The following CDH13 variants were observed in gnomAD, a reference collection of about 807,000 sequenced individuals.
CDH13 encodes the protein cadherin-13.
In CDH13, 24 loss-of-function variants were observed where a neutral mutation model predicts 63.8. The ratio of observed to expected loss-of-function variants is 0.38; its 90% CI spans 0.27 to 0.53. CDH13 has a LOEUF of 0.53. Among genes scored for constraint, CDH13 ranks in the 20% least tolerant of loss-of-function variants. The pLI, the probability that CDH13 is intolerant of heterozygous loss-of-function variation, is 0.85. For synonymous variants in CDH13, 503 were observed against 355.3 expected (o/e 1.42, Z -4.67); for missense variants, 1,049 against 903.1 (o/e 1.16, Z -2.07).
At chr16:83,329,068 C>G (rs2090428333) in intron 5 of CDH13, among the ~76,000 whole-genome samples, 1 of 152,098 alleles carries the variant, frequency 6.6e-6, no homozygotes, top group Admixed American at 6.6e-5. Flanking sequence ...CTTGAGCTTC[C>G]CCGAAGCACA....
intron 6 of CDH13, among the ~76,000 whole-genome samples, chr16:83,451,138 G>A (rs1222142909): frequency 6.6e-6 from 1 of 152,158 alleles, no homozygotes; most frequent in Non-Finnish European, 1.5e-5. Context: ...AGAATCATTT[G>A]TCTTTGTATT....
chr16:83,756,547 AT>A (rs1449011283), intron 11 of CDH13, among the ~76,000 whole-genome samples: 1 of 152,168 alleles, frequency 6.6e-6, no homozygotes. Context: ...ACATTATGAA[AT>A]TTTTTGGCGC....
chr16:83,340,110 C>T (rs370900575), intron 5 of CDH13, among the ~76,000 whole-genome samples: 1 of 152,174 alleles, frequency 6.6e-6, no homozygotes, highest in South Asian at 2.1e-4. Flanking sequence ...CAATTAATAA[C>T]CAATTTCCTT....
chr16:83,112,395 A>G (rs755910784), intron 3 of CDH13, among the ~76,000 whole-genome samples: 2 of 152,264 alleles, frequency 1.3e-5, no homozygotes, highest in Admixed American at 6.5e-5. Context: ...AAAGACAGAG[A>G]GAAAAAGAGA....
chr16:83,378,216 T>C (rs1471894048), intron 6 of CDH13, among the ~76,000 whole-genome samples: 2 of 152,264 alleles, frequency 1.3e-5, no homozygotes, highest in East Asian at 1.9e-4. Flanking sequence ...ACTATTGATA[T>C]AGATGCCACA....
At chr16:83,625,833 T>C (rs549872892) in intron 8 of CDH13, among the ~76,000 whole-genome samples, 2 of 152,228 alleles carry the variant, frequency 1.3e-5, no homozygotes, top group Admixed American at 1.3e-4. Flanking sequence ...AAAAGCAAGG[T>C]CGGCCTACCC....
At chr16:83,340,704 T>G (rs2090702755) in intron 5 of CDH13, among the ~76,000 whole-genome samples, 1 of 152,212 alleles carries the variant, frequency 6.6e-6, no homozygotes, top group African/African-American at 2.4e-5. Flanking sequence ...GCTTGGAGAC[T>G]GACCTTTGAA....
chr16:83,078,476 C>G (rs1019678109), intron 3 of CDH13, among the ~76,000 whole-genome samples: 3 of 152,208 alleles, frequency 2.0e-5, no homozygotes, highest in East Asian at 1.9e-4. Context: ...GTACTTTGTA[C>G]TCCTATAAGA....
At chr16:83,143,770 C>T (rs763296272) in intron 4 of CDH13, among the ~76,000 whole-genome samples, 1 of 152,090 alleles carries the variant, frequency 6.6e-6, no homozygotes, top group East Asian at 1.9e-4. Flanking sequence ...AAACTTCCCT[C>T]GTCTCCTCCT....
At chr16:83,479,457 C>G (rs180680618) in intron 6 of CDH13, among the ~76,000 whole-genome samples, 86 of 152,206 alleles carry the variant, frequency 5.7e-4, no homozygotes, top group African/African-American at 2.0e-3. Flanking sequence ...GAGATCGAGA[C>G]CATCCTGGCT....
chr16:82,769,201 C>T (rs191645584), intron 1 of CDH13, among the ~76,000 whole-genome samples: 232 of 152,278 alleles, frequency 1.5e-3, no homozygotes, highest in Non-Finnish European at 2.3e-3. Flanking sequence ...ATGTAATAAT[C>T]TCCCTGGTAA....
intron 7 of CDH13, among the ~76,000 whole-genome samples, chr16:83,602,130 AAAAAAAAAAAAAAC>A (rs1907893246): frequency 2.9e-5 from 3 of 102,160 alleles, no homozygotes; most frequent in East Asian, 2.5e-4. Context: ...AAAAAAAAAA[AAAAAAAAAAAAAAC>A]CCAAAGGACA....
chr16:83,509,087 C>T (rs1206999939), intron 7 of CDH13, among the ~76,000 whole-genome samples: 1 of 152,220 alleles, frequency 6.6e-6, no homozygotes, highest in Non-Finnish European at 1.5e-5. Context: ...TTTCCATAAT[C>T]CCTCTACTCA....
intron 2 of CDH13, among the ~76,000 whole-genome samples, chr16:83,010,931 C>G (rs926192588): frequency 6.6e-6 from 1 of 152,188 alleles, no homozygotes; most frequent in Non-Finnish European, 1.5e-5. Flanking sequence ...GAAGCTCAAA[C>G]CAGATGGCTC....
chr16:82,893,716 C>A (rs1408391641), intron 2 of CDH13, among the ~76,000 whole-genome samples: 2 of 152,190 alleles, frequency 1.3e-5, no homozygotes, highest in South Asian at 2.1e-4. Context: ...GACTTTTAAT[C>A]ATTGGGCCAT....
chr16:83,116,212 G>T (rs2035285569), intron 3 of CDH13, among the ~76,000 whole-genome samples: 1 of 152,222 alleles, frequency 6.6e-6, no homozygotes, highest in African/African-American at 2.4e-5. Flanking sequence ...TCTTGACATT[G>T]AGCACCATGC....
In CDH13 at chr16:82,753,291, A is replaced by G. The variant is rs543403884; in HGVS notation, c.46-105071A>G. 1.3e-4 allele frequency among the ~76,000 whole-genome samples: 20 copies of G among 152,308 alleles called. 1 individual carries two copies. The Middle Eastern group carries it at 0.02, about 155-fold the overall frequency. On this transcript the variant is annotated intron_variant, in intron 1 of 13. Transcript: ENST00000567109. ...ATTATTTTGGCATAATTCAAAGTTC[A>G]TATCTCACTTCATCTCAAAAACAAT...
At chr16:83,555,416 A>G (rs1310330885) in intron 7 of CDH13, among the ~76,000 whole-genome samples, 1 of 152,256 alleles carries the variant, frequency 6.6e-6, no homozygotes, top group Non-Finnish European at 1.5e-5. Context: ...CAGGTGATTC[A>G]TATACACATT....
chr16:82,941,686 C>A (rs1459469222), intron 2 of CDH13, among the ~76,000 whole-genome samples: 1 of 152,104 alleles, frequency 6.6e-6, no homozygotes, highest in Non-Finnish European at 1.5e-5. Flanking sequence ...GTTGCTTGTA[C>A]CGAGCTCTCT....
Sources: gnomAD v4.1 joint callset for allele counts (sites outside exome capture counted in the v4.1 genomes callset) on GRCh38, gnomAD v4.1.1 for gene constraint, MANE v1.5 for transcripts, NCBI Gene and HGNC (gene_info 2026-07-23, HGNC 2026-07-21) for gene names.